The following HS6ST2 variants were observed in gnomAD, a reference collection of about 807,000 sequenced individuals.
HS6ST2 encodes the protein heparan sulfate 6-O-sulfotransferase 2.
A neutral mutation model predicts 33.0 loss-of-function variants in HS6ST2; 17 were observed. That is an observed-to-expected ratio of 0.52 (90% CI 0.35 to 0.77). HS6ST2 has a LOEUF of 0.77. HS6ST2 is among the 30% of genes least tolerant of loss of function. HS6ST2 has a pLI of 0.01. For synonymous variants in HS6ST2, 248 were observed against 237.1 expected (o/e 1.05, Z -0.42); for missense variants, 519 against 551.7 (o/e 0.94, Z 0.59).
At chrX:132,813,547 C>A (rs2065368949) in intron 2 of HS6ST2, among the ~76,000 whole-genome samples, 1 of 111,660 alleles carries the variant, frequency 9.0e-6, no homozygotes, top group Admixed American at 9.6e-5. Context: ...ATTGACTTTC[C>A]TTCCTTTTCT....
chrX:132,821,739 C>A (rs2065461577), intron 2 of HS6ST2, among the ~76,000 whole-genome samples: 1 of 111,785 alleles, frequency 8.9e-6, no homozygotes, highest in Non-Finnish European at 1.9e-5. Flanking sequence ...GCCTATAATT[C>A]CAACACTTTG....
chrX:132,772,963 TATATA>T lies in HS6ST2; in HGVS notation c.948-64474_948-64470del, dbSNP rs1383695319. On this transcript the variant is annotated intron_variant, in intron 2 of 4. Coordinates refer to ENST00000370833, the MANE Select transcript of HS6ST2 (RefSeq NM_001394073.1). ...ATATATAATTTAGATTATATATTAA[TATATA>T]ATATATTAATGTAATCTTTTATATT... 3.3e-4 allele frequency among the ~76,000 whole-genome samples: 30 copies of T among 90,763 alleles called. No homozygotes were observed. The South Asian group carries it at 9.4e-3, about 28-fold the overall frequency. 78.8% of individuals were successfully genotyped at this position (90,763 alleles called of 115,157 possible).
chrX:132,956,303 CAA>C (rs1222593685), intron 2 of HS6ST2, among the ~76,000 whole-genome samples: 1 of 101,710 alleles, frequency 9.8e-6, no homozygotes, highest in Non-Finnish European at 2.0e-5. Flanking sequence ...ATCTAGGACA[CAA>C]GAGAGAAAGA....
chrX:132,686,590 A>T (rs780241734), intron 3 of HS6ST2, among the ~76,000 whole-genome samples: 1 of 111,914 alleles, frequency 8.9e-6, no homozygotes, highest in Non-Finnish European at 1.9e-5. Flanking sequence ...TGCCACATGC[A>T]GAGCTGAAAA....
intron 2 of HS6ST2, among the ~76,000 whole-genome samples, chrX:132,747,228 T>C (rs1350459942): frequency 8.9e-6 from 1 of 111,823 alleles, no homozygotes; most frequent in Non-Finnish European, 1.9e-5. Context: ...TGCCTCAGTA[T>C]GATGGTTTGA....
intron 2 of HS6ST2, among the ~76,000 whole-genome samples, chrX:132,948,575 G>T (rs1056245734): frequency 2.7e-5 from 3 of 112,213 alleles, no homozygotes; most frequent in African/African-American, 9.7e-5. Context: ...AAAGTCTTCA[G>T]CACAGTTTTT....
intron 2 of HS6ST2, among the ~76,000 whole-genome samples, chrX:132,790,770 CA>C (rs1456005085): frequency 8.9e-6 from 1 of 111,997 alleles, no homozygotes; most frequent in Non-Finnish European, 1.9e-5. Context: ...GGTACTAAGG[CA>C]TTAAAAGAGT....
intron 2 of HS6ST2, among the ~76,000 whole-genome samples, chrX:132,780,441 C>T (rs1267759929): frequency 9.0e-6 from 1 of 111,064 alleles, no homozygotes; most frequent in Non-Finnish European, 1.9e-5. Context: ...TGCATGCATC[C>T]TATCATTGAA....
chrX:132,732,304 T>G (rs1427097800), intron 2 of HS6ST2, among the ~76,000 whole-genome samples: 1 of 111,767 alleles, frequency 8.9e-6, no homozygotes, highest in Non-Finnish European at 1.9e-5. Context: ...CAAAGTAGGC[T>G]TCTAACTCCA....
chrX:132,797,928 G>A (rs1280485381), intron 2 of HS6ST2, among the ~76,000 whole-genome samples: 3 of 106,726 alleles, frequency 2.8e-5, no homozygotes, highest in East Asian at 3.0e-4. Flanking sequence ...CAGGAGAATC[G>A]CTTGAACCTG....
chrX:132,709,699 G>A (rs1043957930), intron 2 of HS6ST2, among the ~76,000 whole-genome samples: 2 of 109,809 alleles, frequency 1.8e-5, no homozygotes, highest in African/African-American at 6.6e-5. Context: ...AATCTACAAT[G>A]TACTGACCTA....
intron 2 of HS6ST2, among the ~76,000 whole-genome samples, chrX:132,954,335 C>A (rs758693997): frequency 2.7e-5 from 3 of 111,782 alleles, no homozygotes; most frequent in Non-Finnish European, 3.8e-5. Context: ...CTGTTTGACA[C>A]AGGAACTCCC....
intron 2 of HS6ST2, among the ~76,000 whole-genome samples, chrX:132,867,238 C>G (rs745362589): frequency 9.3e-6 from 1 of 107,060 alleles, no homozygotes; most frequent in African/African-American, 3.5e-5. Flanking sequence ...TTGAGATAAT[C>G]ATGTGGTTTT....
intron 2 of HS6ST2, among the ~76,000 whole-genome samples, chrX:132,870,650 A>C (rs1346839563): frequency 8.9e-6 from 1 of 112,080 alleles, no homozygotes; most frequent in Non-Finnish European, 1.9e-5. Context: ...AAAACTATCA[A>C]AAACAAGCAA....
chrX:132,816,779 A>G (rs1236582541), intron 2 of HS6ST2, among the ~76,000 whole-genome samples: 2 of 111,567 alleles, frequency 1.8e-5, no homozygotes, highest in Admixed American at 1.9e-4. Context: ...CACTGCCAAC[A>G]AAGAGTAATG....
intron 3 of HS6ST2, among the ~76,000 whole-genome samples, chrX:132,685,017 C>A (rs1183091169): frequency 9.0e-6 from 1 of 111,452 alleles, no homozygotes; most frequent in African/African-American, 3.3e-5. Flanking sequence ...CCACTTTTTT[C>A]TTTCTTGTCT....
intron 4 of HS6ST2, among the ~76,000 whole-genome samples, chrX:132,634,492 A>G (rs243451): frequency 0.14 from 15,845 of 111,566 alleles, 824 homozygotes; most frequent in Non-Finnish European, 0.15. Context: ...GGTTAATTGA[A>G]TGGCTGATTG....
At chrX:132,756,477 G>T (rs989032374) in intron 2 of HS6ST2, among the ~76,000 whole-genome samples, 1 of 110,740 alleles carries the variant, frequency 9.0e-6, no homozygotes, top group Non-Finnish European at 1.9e-5. Flanking sequence ...TGCCCTGAAG[G>T]CTCGCTCTCC....
rs186632803 is a variant in HS6ST2 at position 132,853,734 on chromosome X, G to A, written c.947+103074C>T. Reference sequence around the variant, plus strand: ...GCTCAAGAGCCAGTTAGGGACTAATGTACATCAAAAGCACAAATAGGCCAG... The same window carrying A: ...GCTCAAGAGCCAGTTAGGGACTAATATACATCAAAAGCACAAATAGGCCAG... On this transcript the variant is annotated intron_variant, in intron 2 of 4. Coordinates refer to ENST00000370833, the MANE Select transcript of HS6ST2 (RefSeq NM_001394073.1). 1.2e-3 allele frequency among the ~76,000 whole-genome samples: 135 copies of A among 110,929 alleles called. 1 individual carries two copies. The Middle Eastern group carries it at 0.019, about 15-fold the overall frequency.
Sources: allele counts gnomAD v4.1 joint callset (sites outside exome capture counted in the v4.1 genomes callset), GRCh38; gene constraint gnomAD v4.1.1; transcripts MANE v1.5; gene names NCBI Gene and HGNC (gene_info 2026-07-23, HGNC 2026-07-21).